PTPRD: variants seen among roughly 807,000 people sequenced by gnomAD.
The protein encoded by PTPRD is receptor-type tyrosine-protein phosphatase delta.
In PTPRD, 34 loss-of-function variants were observed where a neutral mutation model predicts 214.5. The ratio of observed to expected loss-of-function variants is 0.16; its 90% CI spans 0.12 to 0.21. The LOEUF is 0.21. Ranked by LOEUF, PTPRD falls within the 10% of genes least tolerant of loss-of-function variation. The pLI, the probability that PTPRD is intolerant of heterozygous loss-of-function variation, is 1.00. For synonymous variants in PTPRD, 1,128 were observed against 845.7 expected (o/e 1.33, Z -5.79); for missense variants, 2,545 against 2,398.7 (o/e 1.06, Z -1.27).
chr9:8,908,797 G>A (rs2098726092), intron 11 of PTPRD, among the ~76,000 whole-genome samples: 1 of 151,390 alleles, frequency 6.6e-6, no homozygotes, highest in African/African-American at 2.4e-5. Context: ...TTCTTTGGAA[G>A]CAGTAAGAAA....
chr9:10,362,888 T>TA (rs2097423987), intron 2 of PTPRD, among the ~76,000 whole-genome samples: 1 of 151,938 alleles, frequency 6.6e-6, no homozygotes, highest in East Asian at 1.9e-4. Context: ...TCAAAATAAA[T>TA]AAAAAAATAA....
intron 22 of PTPRD, among the ~76,000 whole-genome samples, chr9:8,505,924 C>G (rs1434887844): frequency 2.0e-5 from 3 of 152,156 alleles, no homozygotes; most frequent in African/African-American, 7.2e-5. Context: ...TGCTGATTTA[C>G]ACCTTACAGA....
intron 4 of PTPRD, among the ~76,000 whole-genome samples, chr9:10,001,758 G>A (rs964714198): frequency 1.8e-4 from 28 of 152,002 alleles, no homozygotes; most frequent in African/African-American, 3.6e-4. Flanking sequence ...AAAGGAATTC[G>A]TCACTAGTAC....
chr9:8,761,346 A>G (rs1275664345), intron 11 of PTPRD, among the ~76,000 whole-genome samples: 1 of 152,212 alleles, frequency 6.6e-6, no homozygotes, highest in African/African-American at 2.4e-5. Flanking sequence ...TGATAAAGTG[A>G]TAACATATAT....
chr9:8,839,877 T>A (rs1164473677), intron 11 of PTPRD, among the ~76,000 whole-genome samples: 3 of 152,092 alleles, frequency 2.0e-5, no homozygotes, highest in Admixed American at 2.0e-4. Context: ...TGAGGCAAGG[T>A]TGTAAAAAAT....
intron 10 of PTPRD, among the ~76,000 whole-genome samples, chr9:9,155,298 T>C (rs976719853): frequency 1.3e-5 from 2 of 152,132 alleles, no homozygotes; most frequent in Non-Finnish European, 2.9e-5. Flanking sequence ...TGTACATGAA[T>C]TGGATCTCAA....
At chr9:10,451,062 C>G (rs530696247) in intron 2 of PTPRD, among the ~76,000 whole-genome samples, 37 of 151,834 alleles carry the variant, frequency 2.4e-4, no homozygotes, top group Non-Finnish European at 4.3e-4. Flanking sequence ...AAGAATTCTG[C>G]ATTTTTATGT....
chr9:8,770,819 G>C (rs1021213753), intron 11 of PTPRD, among the ~76,000 whole-genome samples: 9 of 152,090 alleles, frequency 5.9e-5, no homozygotes, highest in African/African-American at 1.7e-4. Context: ...ATAGAAACCT[G>C]AAAACTTTAA....
intron 11 of PTPRD, among the ~76,000 whole-genome samples, chr9:8,844,170 A>G (rs143203314): frequency 1.8e-4 from 27 of 152,310 alleles, no homozygotes; most frequent in African/African-American, 6.3e-4. Flanking sequence ...CTTTATCTAC[A>G]TTATACATAA....
chr9:9,226,780 T>C (rs1027678280), intron 9 of PTPRD, among the ~76,000 whole-genome samples: 4 of 152,092 alleles, frequency 2.6e-5, no homozygotes, highest in South Asian at 2.1e-4. Flanking sequence ...CTGGTTATCA[T>C]TGTATCTTTC....
At chr9:10,434,396 C>A (rs2098703551) in intron 2 of PTPRD, among the ~76,000 whole-genome samples, 1 of 151,842 alleles carries the variant, frequency 6.6e-6, no homozygotes. Flanking sequence ...AATTTATAGT[C>A]AACTCTTAAG....
intron 11 of PTPRD, among the ~76,000 whole-genome samples, chr9:8,970,378 A>C (rs1184945754): frequency 1.3e-5 from 2 of 151,928 alleles, no homozygotes; most frequent in African/African-American, 4.8e-5. Context: ...ATGAATAACC[A>C]GAAAGAAACT....
intron 12 of PTPRD, among the ~76,000 whole-genome samples, chr9:8,685,479 T>A (rs2097660571): frequency 6.6e-6 from 1 of 151,756 alleles, no homozygotes. Context: ...GGGCAAACGC[T>A]GCATGTAAAA....
intron 11 of PTPRD, among the ~76,000 whole-genome samples, chr9:8,802,743 A>T (rs760169366): frequency 3.3e-5 from 5 of 152,202 alleles, no homozygotes; most frequent in Non-Finnish European, 5.9e-5. Context: ...AAATTCTTCC[A>T]ATTGCCTCAT....
chr9:10,235,480 T>C (rs1193723859), intron 3 of PTPRD, among the ~76,000 whole-genome samples: 1 of 151,970 alleles, frequency 6.6e-6, no homozygotes, highest in African/African-American at 2.4e-5. Flanking sequence ...GGCTATGGTA[T>C]CCCACTTAAC....
At chr9:9,189,066 G>C (rs2099933488) in intron 9 of PTPRD, among the ~76,000 whole-genome samples, 1 of 151,986 alleles carries the variant, frequency 6.6e-6, no homozygotes, top group African/African-American at 2.4e-5. Flanking sequence ...TTTTGAACAT[G>C]GTATGTATCA....
At chr9:8,749,151 C>T (rs901084458) in intron 11 of PTPRD, among the ~76,000 whole-genome samples, 3 of 151,926 alleles carry the variant, frequency 2.0e-5, no homozygotes, top group African/African-American at 7.3e-5. Flanking sequence ...TAATTAGGGG[C>T]CCATTGCCCT....
At chr9:10,573,950 A>C (rs771035849) in intron 2 of PTPRD, among the ~76,000 whole-genome samples, 2 of 152,144 alleles carry the variant, frequency 1.3e-5, no homozygotes, top group Non-Finnish European at 2.9e-5. Flanking sequence ...GAATAAAATA[A>C]ATAAATTAAT....
chr9:9,886,375 C>T (rs1382747762), intron 5 of PTPRD, among the ~76,000 whole-genome samples: 1 of 152,078 alleles, frequency 6.6e-6, no homozygotes, highest in East Asian at 1.9e-4. Context: ...AAATAGCTTT[C>T]TTCACATGTG....
Sources: gnomAD v4.1 joint callset for allele counts (sites outside exome capture counted in the v4.1 genomes callset) on GRCh38, gnomAD v4.1.1 for gene constraint, MANE v1.5 for transcripts, NCBI Gene and HGNC (gene_info 2026-07-23, HGNC 2026-07-21) for gene names.